The following DEPTOR variants were observed in gnomAD, a reference collection of about 807,000 sequenced individuals.
The protein encoded by DEPTOR is DEP domain containing MTOR interacting protein.
A neutral mutation model predicts 41.6 loss-of-function variants in DEPTOR; 41 were observed. That is an observed-to-expected ratio of 0.98 (90% CI 0.77 to 1.28). The LOEUF (loss-of-function observed/expected upper bound fraction) is 1.28. Among genes scored for constraint, DEPTOR ranks in the 50% most tolerant of loss-of-function variants. DEPTOR has a pLI of 0.00. For synonymous variants in DEPTOR, 195 were observed against 192.3 expected (o/e 1.01, Z -0.12); for missense variants, 514 against 527.9 (o/e 0.97, Z 0.26).
At chr8:119,921,958 T>G (rs934535125) in intron 1 of DEPTOR, among the ~76,000 whole-genome samples, 1 of 151,832 alleles carries the variant, frequency 6.6e-6, no homozygotes, top group African/African-American at 2.4e-5. Flanking sequence ...ATAAATAGGC[T>G]GGGCGCAGTA....
At chr8:119,954,632 A>AT (rs1016556686) in intron 3 of DEPTOR, among the ~76,000 whole-genome samples, 6 of 151,634 alleles carry the variant, frequency 4.0e-5, no homozygotes, top group Non-Finnish European at 8.8e-5. Context: ...GCTCTTTTGA[A>AT]TTTTTTTTCC....
chr8:119,945,710 A>T (rs942258964), intron 3 of DEPTOR, among the ~76,000 whole-genome samples: 1 of 152,240 alleles, frequency 6.6e-6, no homozygotes, highest in African/African-American at 2.4e-5. Flanking sequence ...AGTTGATTCC[A>T]TCTGGAAGAG....
intron 4 of DEPTOR, among the ~76,000 whole-genome samples, chr8:119,982,598 G>A (rs1310331177): frequency 6.6e-6 from 1 of 152,154 alleles, no homozygotes; most frequent in Non-Finnish European, 1.5e-5. Context: ...TAAGCAGTGA[G>A]GTTTCTCTGC....
At chr8:119,910,153 C>T (rs1265788331) in intron 1 of DEPTOR, among the ~76,000 whole-genome samples, 2 of 152,140 alleles carry the variant, frequency 1.3e-5, no homozygotes, top group African/African-American at 4.8e-5. Context: ...TATTCAGGGG[C>T]TACATTGGGA....
Position 119,873,933 on chromosome 8 carries a change from C to T in DEPTOR, c.87C>T (p.Arg29=). ...GGGCGCAGCAAAGGGAGCTGGAGCG[C>T]ATGGCTGAGGTCTTGGTCACCGGGG... ...SGGAQQRELE[R]MAEVLVTGEQ... The change falls in exon 1 of 9, where the codon CGC becomes CGT. Residue 29 remains arginine, a synonymous_variant. Coordinates refer to ENST00000286234, the MANE Select transcript of DEPTOR (RefSeq NM_022783.4). 6.2e-7 allele frequency: 1 copy of T among 1,613,738 alleles called. No individual in the cohort carries two copies. Among genetic ancestry groups the T allele is most frequent in the African/African-American group, 1.3e-5 (1 of 75,010 alleles).
intron 3 of DEPTOR, among the ~76,000 whole-genome samples, chr8:119,964,430 G>A (rs969539241): frequency 2.0e-5 from 3 of 148,958 alleles, no homozygotes; most frequent in African/African-American, 5.0e-5. Flanking sequence ...CAGGAGAATC[G>A]CTTGAACCCA....
chr8:119,953,024 A>G lies in DEPTOR; in HGVS notation c.426-12208A>G, dbSNP rs150405418. 4.7e-3 allele frequency among the ~76,000 whole-genome samples: 710 copies of G among 152,320 alleles called. 6 individuals are homozygous for G. The highest frequency in any genetic ancestry group is 0.016 in the African/African-American group (671 of 41,572). ...TTATGAAAATTATATCAATTTAGCTATGTAACATGTGCTCTATAGACAATA... is the reference window on the plus strand; with the variant it reads ...TTATGAAAATTATATCAATTTAGCTGTGTAACATGTGCTCTATAGACAATA... On this transcript the variant is annotated intron_variant, in intron 3 of 8. Transcript: ENST00000286234.
At chr8:120,002,791 A>AAAAAAAAAATATATAT in intron 5 of DEPTOR, among the ~76,000 whole-genome samples, 186 bp from the exon 6 acceptor site, 7 of 60,666 alleles carry the variant, frequency 1.2e-4, no homozygotes, top group Non-Finnish European at 1.7e-4. Context: ...AAAAAAAAAA[A>AAAAAAAAAATATATAT]ATATATATAT....
intron 1 of DEPTOR, among the ~76,000 whole-genome samples, chr8:119,878,243 G>A (rs566826573): frequency 7.2e-5 from 11 of 151,806 alleles, no homozygotes; most frequent in Admixed American, 5.3e-4. Flanking sequence ...TCCAACTCCC[G>A]ACCTCAGGTG....
At chr8:119,879,711 A>G (rs545630673) in intron 1 of DEPTOR, among the ~76,000 whole-genome samples, 133 of 150,006 alleles carry the variant, frequency 8.9e-4, no homozygotes, top group African/African-American at 3.1e-3. Flanking sequence ...ATTCTGTCTT[A>G]AATAAATAAA....
At chr8:119,994,271 G>A (rs1350642768) in intron 4 of DEPTOR, among the ~76,000 whole-genome samples, 2 of 152,032 alleles carry the variant, frequency 1.3e-5, no homozygotes, top group East Asian at 1.9e-4. Flanking sequence ...AGCCAAAATC[G>A]CACCACTCTG....
intron 4 of DEPTOR, among the ~76,000 whole-genome samples, chr8:119,995,161 T>C (rs149805797): frequency 5.4e-4 from 82 of 152,324 alleles, no homozygotes; most frequent in African/African-American, 1.9e-3. Context: ...TTATCTCATT[T>C]TTCCTTTGCA....
At chr8:119,892,828 G>T (rs1174160109) in intron 1 of DEPTOR, among the ~76,000 whole-genome samples, 1 of 151,856 alleles carries the variant, frequency 6.6e-6, no homozygotes, top group Non-Finnish European at 1.5e-5. Flanking sequence ...TGTTGCCCAG[G>T]CTGGAGTGCA....
At chr8:119,923,319 C>G (rs773461889) in intron 1 of DEPTOR, among the ~76,000 whole-genome samples, 1 of 152,018 alleles carries the variant, frequency 6.6e-6, no homozygotes, top group African/African-American at 2.4e-5. Flanking sequence ...TCTTGGCTCA[C>G]GGCAACTTCC....
At chr8:120,044,126 A>C (rs1813120530) in intron 8 of DEPTOR, among the ~76,000 whole-genome samples, 1 of 151,890 alleles carries the variant, frequency 6.6e-6, no homozygotes, top group South Asian at 2.1e-4. Context: ...ATGTAAAACA[A>C]AGGCAGATCC....
rs191819327 is a variant in DEPTOR, at chr8:119,903,990, G to T, written c.123-24410G>T. On this transcript the variant is annotated intron_variant, in intron 1 of 8. Transcript: ENST00000286234. The stretch of plus-strand genomic sequence containing the variant: ...TTCCTGACTCTGGGGGCCAGGAGTT[G>T]CTATTCTGACATCTTGAGCCTGAAC... Among the ~76,000 whole-genome samples the T allele has an allele frequency of 2.9e-3, 442 of 152,180 alleles. 8 individuals carry two copies. The highest frequency in any genetic ancestry group is 2.2e-3 in the Non-Finnish European group (150 of 68,002).
Position 120,006,876 on chromosome 8 carries a change from G to A in DEPTOR, c.996+1G>A, listed in dbSNP as rs1188450711. The A allele has an allele frequency of 6.2e-7, 1 of 1,614,166 alleles. No homozygotes were observed. ...TCCGTATGCAAGGAAGACATTCACG[G>A]TAGGCTGATGGTCTGGCCTTTTTCT... On this transcript the variant is annotated splice_donor_variant, in intron 7 of 8. Transcript: ENST00000286234. LOFTEE classifies it high-confidence loss of function.
At chr8:119,887,106 T>C (rs1051147196) in intron 1 of DEPTOR, among the ~76,000 whole-genome samples, 68 of 20,818 alleles carry the variant, frequency 3.3e-3, no homozygotes, top group African/African-American at 3.9e-3. Flanking sequence ...CCCTTCCCCT[T>C]CCCCTCCCCT....
intron 3 of DEPTOR, among the ~76,000 whole-genome samples, chr8:119,938,555 C>T (rs547841191): frequency 1.9e-4 from 29 of 152,120 alleles, no homozygotes; most frequent in Admixed American, 3.3e-4. Flanking sequence ...CTCTGTTGCC[C>T]GGGCTGGAGT....
Sources: gnomAD v4.1 joint callset for allele counts (sites outside exome capture counted in the v4.1 genomes callset) on GRCh38, gnomAD v4.1.1 for gene constraint, MANE v1.5 for transcripts, NCBI Gene and HGNC (gene_info 2026-07-23, HGNC 2026-07-21) for gene names.